FGL1: variants seen among roughly 807,000 people sequenced by gnomAD.
FGL1 encodes the protein fibrinogen like 1, also known as fibrinogen-like protein 1.
FGL1 carries 59 observed loss-of-function variants against 43.7 expected under a neutral mutation model. The ratio of observed to expected loss-of-function variants is 1.35; its 90% CI spans 1.10 to 1.68. FGL1 has a LOEUF of 1.68. FGL1 is among the 40% of genes most tolerant of loss of function. The pLI, the probability that FGL1 is intolerant of heterozygous loss-of-function variation, is 0.00. For missense variants in FGL1, 596 were observed against 373.0 expected, an observed-to-expected ratio of 1.60 and a Z score of -4.92; for synonymous variants, 192 against 126.5, an observed-to-expected ratio of 1.52 and a Z score of -3.48.
At chr8:17,873,219 A>G (rs886477158) in intron 5 of FGL1, among the ~76,000 whole-genome samples, 8 of 152,204 alleles carry the variant, frequency 5.3e-5, no homozygotes, top group African/African-American at 1.9e-4. Flanking sequence ...GCTTTCACCA[A>G]TAGAAGAAAA....
At chr8:17,866,801 T>C (rs540463074) in intron 7 of FGL1, among the ~76,000 whole-genome samples, 63 of 152,350 alleles carry the variant, frequency 4.1e-4, no homozygotes, top group African/African-American at 1.5e-3. Context: ...TGGAATTGTT[T>C]TCAAAATCAA....
rs1020257701 is a variant in FGL1 at position 17,864,532 on chromosome 8, T to C, written c.*60A>G. The C allele has an allele frequency of 5.9e-6, 9 of 1,528,792 alleles. No homozygotes were observed. In the African/African-American group the frequency reaches 1.1e-4, roughly 19 times the overall value. 94.7% of individuals were successfully genotyped at this position (1,528,792 alleles called of 1,614,324 possible). ...TGCGCATGGATATGTTCAGAATGAG[T>C]ATTTTTCAAATCACTTTAAACAAAG... On this transcript the variant is annotated 3_prime_UTR_variant, in exon 8 of 8. Transcript: ENST00000427924.
chr8:17,870,714 T>A (rs1012988290), intron 5 of FGL1, among the ~76,000 whole-genome samples: 2 of 152,180 alleles, frequency 1.3e-5, no homozygotes, highest in Non-Finnish European at 2.9e-5. Context: ...GAGACCATCC[T>A]GGCCAACATG....
intron 5 of FGL1, among the ~76,000 whole-genome samples, chr8:17,871,876 T>A (rs771893814): frequency 1.3e-5 from 2 of 152,190 alleles, no homozygotes; most frequent in Non-Finnish European, 2.9e-5. Context: ...AAAGTTCCTC[T>A]GGGAAAATAT....
chr8:17,874,994 T>A (rs985428603), intron 3 of FGL1, among the ~76,000 whole-genome samples: 1 of 152,092 alleles, frequency 6.6e-6, no homozygotes, highest in African/African-American at 2.4e-5. Flanking sequence ...AGTCTGTTAA[T>A]AACAGTATAT....
intron 2 of FGL1, 22 bp from the exon 3 acceptor site, chr8:17,882,201 A>C (rs752624575): frequency 6.2e-7 from 1 of 1,604,800 alleles, no homozygotes; most frequent in East Asian, 2.2e-5. Context: ...GTGAGATGAG[A>C]TGAGTATGCA....
intron 3 of FGL1, among the ~76,000 whole-genome samples, chr8:17,881,458 C>G (rs1563456282): frequency 6.6e-6 from 1 of 151,438 alleles, no homozygotes; most frequent in Non-Finnish European, 1.5e-5. Context: ...TTTAAACAAT[C>G]TATTGTCCTG....
intron 7 of FGL1, among the ~76,000 whole-genome samples, chr8:17,865,924 C>T (rs1256056873): frequency 6.6e-6 from 1 of 152,108 alleles, no homozygotes; most frequent in Non-Finnish European, 1.5e-5. Flanking sequence ...TCTCGAAGTC[C>T]TCCTAACTTA....
At chr8:17,869,774 A>T (rs2053329300) in intron 5 of FGL1, among the ~76,000 whole-genome samples, 1 of 152,214 alleles carries the variant, frequency 6.6e-6, no homozygotes, top group Admixed American at 6.5e-5. Flanking sequence ...CTGAGTAAAA[A>T]GGTATTTCTG....
At chr8:17,865,122 C>T (rs1212304882) in intron 7 of FGL1, among the ~76,000 whole-genome samples, 1 of 151,908 alleles carries the variant, frequency 6.6e-6, no homozygotes, top group African/African-American at 2.4e-5. Flanking sequence ...AGTTTTACTG[C>T]CATTACAAAT....
intron 7 of FGL1, among the ~76,000 whole-genome samples, chr8:17,866,201 A>G (rs751508665): frequency 6.6e-5 from 10 of 152,208 alleles, no homozygotes; most frequent in African/African-American, 2.4e-5. Context: ...GTTTTCTAGC[A>G]TCGTTTAGTT....
At chr8:17,876,014 C>A (rs1403367557) in intron 3 of FGL1, among the ~76,000 whole-genome samples, 1 of 152,034 alleles carries the variant, frequency 6.6e-6, no homozygotes, top group Admixed American at 6.6e-5. Context: ...CAAATGGGGA[C>A]CTCTCTATTG....
At chr8:17,891,200 A>T (rs1328202660) in intron 1 of FGL1, 1 of 152,230 alleles carries the variant, frequency 6.6e-6, no homozygotes, top group Non-Finnish European at 1.5e-5. Flanking sequence ...TGAGGCCACC[A>T]TAACAAATTA....
chr8:17,881,998 C>T lies in FGL1; in HGVS notation c.244+1G>A, dbSNP rs1488545684. Reference sequence around the variant, plus strand: ...AACACTTAAGAAAAGTCCATTCTGACCTGCATACTGCCTCTTGCTTCCAAG... The same window carrying T: ...AACACTTAAGAAAAGTCCATTCTGATCTGCATACTGCCTCTTGCTTCCAAG... On this transcript the variant is annotated splice_donor_variant, in intron 3 of 7. Coordinates refer to ENST00000427924, the MANE Select transcript of FGL1 (RefSeq NM_004467.4). LOFTEE classifies it high-confidence loss of function. The T allele has an allele frequency of 6.2e-7, 1 of 1,613,278 alleles. No individual in the cohort carries two copies. The highest frequency in any genetic ancestry group is 1.7e-5 in the Admixed American group (1 of 59,954).
intron 2 of FGL1, among the ~76,000 whole-genome samples, chr8:17,885,187 C>T (rs920554285): frequency 2.6e-5 from 4 of 151,988 alleles, no homozygotes; most frequent in African/African-American, 7.2e-5. Context: ...ACTACAGATG[C>T]GTGCCATCAC....
chr8:17,885,660 G>C, intron 1 of FGL1, 89 bp from the exon 2 acceptor site: 1 of 1,072,828 alleles, frequency 9.3e-7, no homozygotes. Context: ...CAGGAAGTCG[G>C]ATGCAGCCGC....
At chr8:17,869,130 A>G in intron 5 of FGL1, 126 bp from the exon 6 acceptor site, 3 of 587,830 alleles carry the variant, frequency 5.1e-6, no homozygotes, top group Non-Finnish European at 8.9e-6. Context: ...ATCAGTTTTC[A>G]AAGATTAAAC....
chr8:17,883,564 T>G (rs945272446), intron 2 of FGL1, among the ~76,000 whole-genome samples: 1 of 137,052 alleles, frequency 7.3e-6, no homozygotes, highest in Non-Finnish European at 1.5e-5. Flanking sequence ...TTATATAATA[T>G]ATTATATTTA....
chr8:17,892,304 TTTA>T (rs1369270670), intron 1 of FGL1, among the ~76,000 whole-genome samples: 7 of 151,878 alleles, frequency 4.6e-5, no homozygotes, highest in Non-Finnish European at 2.9e-5. Flanking sequence ...ACAAAAACAT[TTTA>T]TTATAAGGAA....
Sources: allele counts gnomAD v4.1 joint callset (sites outside exome capture counted in the v4.1 genomes callset), GRCh38; gene constraint gnomAD v4.1.1; transcripts MANE v1.5; gene names NCBI Gene and HGNC (gene_info 2026-07-23, HGNC 2026-07-21).